DENND4B: variants seen among roughly 807,000 people sequenced by gnomAD.
DENND4B encodes the protein DENN domain-containing protein 4B.
DENND4B carries 67 observed loss-of-function variants against 161.0 expected under a neutral mutation model. The ratio of observed to expected loss-of-function variants is 0.42; its 90% CI spans 0.34 to 0.51. The LOEUF (loss-of-function observed/expected upper bound fraction) is 0.51, where lower values mean the gene tolerates loss of function less well. Ranked by LOEUF, DENND4B falls within the 20% of genes least tolerant of loss-of-function variation. The probability of loss-of-function intolerance (pLI) is 0.08; values close to 1 mark genes in which losing one functional copy is unlikely to be tolerated. For synonymous variants in DENND4B, 753 were observed against 813.8 expected (o/e 0.93, Z 1.27); for missense variants, 1,481 against 1,968.0 (o/e 0.75, Z 4.68).
At position 153,930,107 on chromosome 1, in the gene DENND4B, T is replaced by A; in HGVS notation, c.*190A>T. ...ATCAGCACGAACAAACTGGGTAGGTTGGTGATGGGGGAATCAGGACTTTTG... is the reference window on the plus strand; with the variant it reads ...ATCAGCACGAACAAACTGGGTAGGTAGGTGATGGGGGAATCAGGACTTTTG... On this transcript the variant is annotated 3_prime_UTR_variant, in exon 28 of 28. Transcript: ENST00000361217. This position sits in a 1 kb window ranked among gnomAD's most constrained non-coding sequence, Gnocchi z 4.7. The A allele has an allele frequency of 1.3e-6, 1 of 742,330 alleles. No homozygotes were observed. Among genetic ancestry groups the A allele is most frequent in the Middle Eastern group, 3.9e-4 (1 of 2,574 alleles). 46.0% of individuals were successfully genotyped at this position (742,330 alleles called of 1,614,324 possible).
rs747460701 is a variant in DENND4B at position 153,933,288 on chromosome 1, A to T, written c.3362T>A (p.Leu1121His). The change falls in exon 21 of 28, where the codon CTC becomes CAC. Residue 1121 changes from leucine to histidine, a missense_variant. Physicochemically the swap from Leu to His is moderately conservative, Grantham distance 99. Transcript: ENST00000361217. The surrounding 1 kb of genome is among the most constrained non-coding windows in gnomAD (Gnocchi z 5.7). ...SSASLGSEWD[L>H]SESSLSNLSL... is the part of the protein sequence containing the mutation. The stretch of plus-strand genomic sequence containing the variant: ...CAGGTTGCTGAGAGAAGATTCTGAG[A>T]GGTCCCACTCACTGCCCAGAGAGGC... 14 of 1,613,154 alleles carry T rather than the reference A, an allele frequency of 8.7e-6. No individual in the cohort carries two copies. The South Asian group carries it at 1.5e-4, about 18-fold the overall frequency.
In DENND4B at chr1:153,933,228, G is replaced by C. The variant is rs1415431982; in HGVS notation, c.3422C>G (p.Thr1141Ser). ...LRRSSERLSD[T>S]PGSFQSPSLE... ...GGAAGGTGACTGGAAGGATCCAGGG[G>C]TGTCACTGAGGCGCTCTGAGGAACG... The change falls in exon 21 of 28, where the codon ACC becomes AGC. Residue 1141 changes from threonine (T) to serine (S), a missense_variant. Coordinates refer to ENST00000361217, the MANE Select transcript of DENND4B (RefSeq NM_014856.3). This position sits in a 1 kb window ranked among gnomAD's most constrained non-coding sequence, Gnocchi z 5.7. 2 of 1,613,224 alleles carry C rather than the reference G, an allele frequency of 1.2e-6. No homozygotes were observed. Among genetic ancestry groups the C allele is most frequent in the Non-Finnish European group, 1.7e-6 (2 of 1,179,570 alleles).
Position 153,938,729 on chromosome 1 carries a change from C to T in DENND4B, c.1965+171G>A, listed in dbSNP as rs545699872. On this transcript the variant is annotated intron_variant, in intron 13 of 27. Coordinates refer to ENST00000361217, the MANE Select transcript of DENND4B (RefSeq NM_014856.3). Reference sequence around the variant, plus strand: ...AAAAAAAAAATGAAAAATAAGAAAACTTAAAAAAATATTAAAAATTAAAAT... The same window carrying T: ...AAAAAAAAAATGAAAAATAAGAAAATTTAAAAAAATATTAAAAATTAAAAT... Among the ~76,000 whole-genome samples the T allele has an allele frequency of 5.3e-5, 8 of 150,744 alleles. No individual in the cohort carries two copies. In the East Asian group the frequency reaches 1.5e-3, roughly 29 times the overall value.
Position 153,944,536 on chromosome 1 carries a change from T to TC in DENND4B, c.-23-140dup. On this transcript the variant is annotated intron_variant, in intron 1 of 27. Coordinates refer to ENST00000361217, the MANE Select transcript of DENND4B (RefSeq NM_014856.3). This position sits in a 1 kb window ranked among gnomAD's most constrained non-coding sequence, Gnocchi z 4.8. The stretch of plus-strand genomic sequence containing the variant: ...AAGGGGTCGGCCAATCCTGAACTCT[T>TC]CCCCCTGTGACATCACTGCCCACCA... 1 of 833,278 alleles carries TC rather than the reference T, an allele frequency of 1.2e-6. No individual in the cohort carries two copies. The highest frequency in any genetic ancestry group is 1.8e-6 in the Non-Finnish European group (1 of 560,620). 51.6% of individuals were successfully genotyped at this position (833,278 alleles called of 1,614,324 possible).
Position 153,942,712 on chromosome 1 carries a change from C to A in DENND4B, c.571-87G>T. 3 of 1,483,016 alleles carry A rather than the reference C, an allele frequency of 2.0e-6. No homozygotes were observed. Among genetic ancestry groups the A allele is most frequent in the East Asian group, 2.5e-5 (1 of 40,740 alleles). The allele number at this position is 1,483,016 out of a possible 1,614,324, so 91.9% of individuals were successfully genotyped here. A position where few individuals can be genotyped will look rare whatever the true frequency, so the allele number is the denominator to read the frequency against. On this transcript the variant is annotated intron_variant, in intron 3 of 27. Coordinates refer to ENST00000361217, the MANE Select transcript of DENND4B (RefSeq NM_014856.3). This position sits in a 1 kb window ranked among gnomAD's most constrained non-coding sequence, Gnocchi z 6.9. Reference sequence around the variant, plus strand: ...TTTCTCTCTACCACCCCTAAATGTTCTTTTGTCTTTAAAGCTCCCATTAAT... The same window carrying A: ...TTTCTCTCTACCACCCCTAAATGTTATTTTGTCTTTAAAGCTCCCATTAAT...
In DENND4B at chr1:153,942,061, G is replaced by A; in HGVS notation, c.863C>T (p.Ser288Leu). 1.2e-6 allele frequency: 2 copies of A among 1,612,286 alleles called. No individual in the cohort carries two copies. Among genetic ancestry groups the A allele is most frequent in the Non-Finnish European group, 8.5e-7 (1 of 1,179,254 alleles). Residue 288 changes from serine (S) to leucine (L), a missense_variant, in exon 6 of 28, where the codon TCA (serine) becomes TTA (leucine). Physicochemically the swap from Ser to Leu is moderately radical, Grantham distance 145. This residue lies in a region of DENND4B where 806 missense variants were observed against 1,134.4 expected (regional missense o/e 0.71). Transcript: ENST00000361217. This position sits in a 1 kb window ranked among gnomAD's most constrained non-coding sequence, Gnocchi z 6.9. ...GCCCAGTGCCCGTGCCTGTCGCTCTGATAGCCTGGCCCTTGGGAACGCCTC... is the reference window on the plus strand; with the variant it reads ...GCCCAGTGCCCGTGCCTGTCGCTCTAATAGCCTGGCCCTTGGGAACGCCTC... ...FYEAFPRARL[S>L]ERQARALGLL...
chr1:153,935,698 G>A (rs1405447425), intron 17 of DENND4B: 1 of 242,938 alleles, frequency 4.1e-6, no homozygotes, highest in Non-Finnish European at 8.2e-6. Context: ...CCTTGGACGA[G>A]TTACTAACTC....
rs536389570 is a variant in DENND4B at position 153,934,148 on chromosome 1, G to A, written c.2928C>T (p.Ala976=). The A allele has an allele frequency of 1.2e-5, 19 of 1,572,170 alleles. No individual in the cohort carries two copies. Among genetic ancestry groups the A allele is most frequent in the African/African-American group, 2.8e-5 (2 of 72,422 alleles). The stretch of plus-strand genomic sequence containing the variant: ...AAGGGCACTCACTGTGGGCCACACC[G>A]GCCTCCACAGTGGGCTGTGCCCCTC... ...SARGAQPTVE[A]GVAHMIEALG... Residue 976 remains alanine, a synonymous_variant, in exon 19 of 28, where the codon GCC becomes GCT. Transcript: ENST00000361217. The surrounding 1 kb of genome is among the most constrained non-coding windows in gnomAD (Gnocchi z 5.3).
In DENND4B at chr1:153,934,437, G is replaced by A; in HGVS notation, c.2774-135C>T. On this transcript the variant is annotated intron_variant, in intron 18 of 27. Coordinates refer to ENST00000361217, the MANE Select transcript of DENND4B (RefSeq NM_014856.3). This position sits in a 1 kb window ranked among gnomAD's most constrained non-coding sequence, Gnocchi z 5.3. ...AACTTTATCCGTTTTGTGTTTGTTT[G>A]TTTGTTTGTTTTGTTTTGTTTTTTG... is the stretch of plus-strand genomic sequence containing the variant. The A allele has an allele frequency of 1.6e-6, 2 of 1,289,672 alleles. No homozygotes were observed. The highest frequency in any genetic ancestry group is 5.1e-5 in the East Asian group (2 of 39,198). The allele number at this position is 1,289,672 out of a possible 1,614,324, so 79.9% of individuals were successfully genotyped here.
Position 153,941,211 on chromosome 1 carries a change from C to G in DENND4B, c.1181+20G>C, listed in dbSNP as rs781672707. Reference sequence around the variant, plus strand: ...GTCCTTGGTCATTAAAGCTCCCCTCCCCACAATCTGATCACATACCTGAGG... The same window carrying G: ...GTCCTTGGTCATTAAAGCTCCCCTCGCCACAATCTGATCACATACCTGAGG... On this transcript the variant is annotated intron_variant, in intron 8 of 27. Coordinates refer to ENST00000361217, the MANE Select transcript of DENND4B (RefSeq NM_014856.3). 6.2e-7 allele frequency: 1 copy of G among 1,613,388 alleles called. No homozygotes were observed. The highest frequency in any genetic ancestry group is 1.1e-5 in the South Asian group (1 of 90,924).
At chr1:153,943,714 C>T in intron 2 of DENND4B, among the ~76,000 whole-genome samples, 1 of 145,962 alleles carries the variant, frequency 6.9e-6, no homozygotes, top group East Asian at 2.1e-4. Context: ...GTTATACAAG[C>T]TACCACTGAC....
rs760140785 is a variant in DENND4B at position 153,939,641 on chromosome 1, G to C, written c.1767C>G (p.Thr589=). 6.2e-7 allele frequency: 1 copy of C among 1,613,630 alleles called. No individual in the cohort carries two copies. The highest frequency in any genetic ancestry group is 1.1e-5 in the South Asian group (1 of 91,080). Residue 589 remains threonine (T), a synonymous_variant, in exon 12 of 28, where the codon ACC becomes ACG. Coordinates refer to ENST00000361217, the MANE Select transcript of DENND4B (RefSeq NM_014856.3). ...CACGAGCTCCCTCGGAGGGGGCCTGGGTGAGTGGGCGCAGGAAGACCCGGT... is the reference window on the plus strand; with the variant it reads ...CACGAGCTCCCTCGGAGGGGGCCTGCGTGAGTGGGCGCAGGAAGACCCGGT... ...KGYRVFLRPL[T]QAPSEGARDV... is the part of the protein sequence containing the mutation.
At position 153,936,567 on chromosome 1, in the gene DENND4B, C is replaced by A; in HGVS notation, c.2414G>T (p.Ser805Ile). 6.2e-7 allele frequency: 1 copy of A among 1,605,088 alleles called. No homozygotes were observed. The highest frequency in any genetic ancestry group is 8.5e-7 in the Non-Finnish European group (1 of 1,174,090). The change falls in exon 16 of 28, where the codon AGC becomes ATC. Residue 805 changes from serine to isoleucine, a missense_variant. By Grantham distance (142) the Ser-to-Ile change is moderately radical. Coordinates refer to ENST00000361217, the MANE Select transcript of DENND4B (RefSeq NM_014856.3). This position sits in a 1 kb window ranked among gnomAD's most constrained non-coding sequence, Gnocchi z 4.1. ...TAYHVLRQMESGKVVLPDEVC... is the reference protein window; with the variant it reads ...TAYHVLRQMEIGKVVLPDEVC... The stretch of plus-strand genomic sequence containing the variant: ...CTCATCAGGGAGCACCACCTTGCCG[C>A]TCTCCATCTGGCGCAGCACATGGTA...
At position 153,936,526 on chromosome 1, in the gene DENND4B, C is replaced by G. The variant is rs752118896; in HGVS notation, c.2439+16G>C. The stretch of plus-strand genomic sequence containing the variant: ...CACTGGGCCTGGGTATGAGCATGGT[C>G]ACATAGATTGCCTACCTCATCAGGG... On this transcript the variant is annotated intron_variant, in intron 16 of 27. Coordinates refer to ENST00000361217, the MANE Select transcript of DENND4B (RefSeq NM_014856.3). The surrounding 1 kb of genome is among the most constrained non-coding windows in gnomAD (Gnocchi z 4.1). 1.3e-6 allele frequency: 2 copies of G among 1,566,348 alleles called. No homozygotes were observed. The highest frequency in any genetic ancestry group is 1.7e-6 in the Non-Finnish European group (2 of 1,151,656).
chr1:153,938,816 G>T, intron 13 of DENND4B, 84 bp downstream of exon 13: 2 of 1,461,376 alleles, frequency 1.4e-6, no homozygotes, highest in Non-Finnish European at 1.9e-6. Flanking sequence ...GAACATGCCC[G>T]ATTCCGTCTA....
chr1:153,934,207 G>C lies in DENND4B; in HGVS notation c.2869C>G (p.Arg957Gly). The C allele has an allele frequency of 3.1e-6, 5 of 1,606,346 alleles. No individual in the cohort carries two copies. Among genetic ancestry groups the C allele is most frequent in the Non-Finnish European group, 4.2e-6 (5 of 1,177,082 alleles). ...SLRDPASPPG[R>G]LVKSGSLGSA... The stretch of plus-strand genomic sequence containing the variant: ...CCCAGGCTACCACTCTTCACCAGGC[G>C]TCCAGGGGGTGAGGCTGGGTCTCTC... The change falls in exon 19 of 28, where the codon CGC (arginine) becomes GGC (glycine). Residue 957 changes from arginine to glycine, a missense_variant. Coordinates refer to ENST00000361217, the MANE Select transcript of DENND4B (RefSeq NM_014856.3). This position sits in a 1 kb window ranked among gnomAD's most constrained non-coding sequence, Gnocchi z 5.3.
Position 153,930,925 on chromosome 1 carries a change from C to T in DENND4B, c.4114+22G>A, listed in dbSNP as rs1219636288. The T allele has an allele frequency of 1.9e-6, 3 of 1,602,692 alleles. No homozygotes were observed. Among genetic ancestry groups the T allele is most frequent in the Non-Finnish European group, 2.6e-6 (3 of 1,175,096 alleles). ...TGGGTATGGGACCCACCCTCCCCAC[C>T]CAGGCCAAATACCAGACTCACTGTG... On this transcript the variant is annotated intron_variant, in intron 25 of 27. Coordinates refer to ENST00000361217, the MANE Select transcript of DENND4B (RefSeq NM_014856.3). The surrounding 1 kb of genome is among the most constrained non-coding windows in gnomAD (Gnocchi z 4.7).
Position 153,940,808 on chromosome 1 carries a change from C to T in DENND4B, c.1326+96G>A, listed in dbSNP as rs1479633606. 1 of 1,477,494 alleles carries T rather than the reference C, an allele frequency of 6.8e-7. No homozygotes were observed. Among genetic ancestry groups the T allele is most frequent in the African/African-American group, 1.4e-5 (1 of 71,096 alleles). 91.5% of individuals were successfully genotyped at this position (1,477,494 alleles called of 1,614,324 possible). On this transcript the variant is annotated intron_variant, in intron 9 of 27. Transcript: ENST00000361217. The surrounding 1 kb of genome is among the most constrained non-coding windows in gnomAD (Gnocchi z 5.6). Reference sequence around the variant, plus strand: ...CCCAGGGAAAGGGGCTGAGGATCCTCCACAAGGAAGGAAAAGGGAAGAGTC... The same window carrying T: ...CCCAGGGAAAGGGGCTGAGGATCCTTCACAAGGAAGGAAAAGGGAAGAGTC...
rs907116536 is a variant in DENND4B, at chr1:153,929,883, T to G, written c.*414A>C. 1.2e-5 allele frequency: 2 copies of G among 164,304 alleles called. No individual in the cohort carries two copies. Among genetic ancestry groups the G allele is most frequent in the Non-Finnish European group, 1.3e-5 (1 of 75,742 alleles). 10.2% of individuals were successfully genotyped at this position (164,304 alleles called of 1,614,324 possible). ...CAGCAACGTCAGGGAAGAGGGACCA[T>G]TATTGGTGGAGAATGACATCCCTAC... On this transcript the variant is annotated 3_prime_UTR_variant, in exon 28 of 28. Coordinates refer to ENST00000361217, the MANE Select transcript of DENND4B (RefSeq NM_014856.3).
Sources: gnomAD v4.1 joint callset for allele counts (sites outside exome capture counted in the v4.1 genomes callset) on GRCh38, gnomAD v4.1.1 for gene constraint, gnomAD v4.1.1 regional missense constraint, Gnocchi (gnomAD v3.1) non-coding constraint, MANE v1.5 for transcripts, NCBI Gene and HGNC (gene_info 2026-07-23, HGNC 2026-07-21) for gene names.